CPA4: variants seen among roughly 807,000 people sequenced by gnomAD.
CPA4 encodes the protein carboxypeptidase A4.
In CPA4, 49 loss-of-function variants were observed where a neutral mutation model predicts 54.7. The ratio of observed to expected loss-of-function variants is 0.90; its 90% confidence interval spans 0.71 to 1.14. The LOEUF (loss-of-function observed/expected upper bound fraction) is 1.14. CPA4 is among the 50% of genes most tolerant of loss of function. CPA4 has a pLI of 0.00. For synonymous variants in CPA4, 215 were observed against 206.8 expected, an observed-to-expected ratio of 1.04 and a Z score of -0.34; for missense variants, 487 against 525.1, an observed-to-expected ratio of 0.93 and a Z score of 0.71.
chr7:130,300,632 C>A (rs757648855), intron 3 of CPA4, among the ~76,000 whole-genome samples, 184 bp from the exon 4 acceptor site: 1 of 151,998 alleles, frequency 6.6e-6, no homozygotes, highest in Non-Finnish European at 1.5e-5. Context: ...CCCTGCCCAG[C>A]CAAGAAATAA....
intron 10 of CPA4, among the ~76,000 whole-genome samples, chr7:130,317,512 G>T (rs1260296411): frequency 6.6e-6 from 1 of 152,172 alleles, no homozygotes; most frequent in Non-Finnish European, 1.5e-5. Flanking sequence ...GTCCAGTCTG[G>T]AGTGCACTGG....
chr7:130,308,126 G>A (rs149918260), intron 7 of CPA4, 181 bp from the exon 8 acceptor site: 30 of 613,522 alleles, frequency 4.9e-5, no homozygotes, highest in African/African-American at 3.5e-4. Flanking sequence ...AGAGCCGGAA[G>A]GGGAAATACT....
Position 130,304,496 on chromosome 7 carries a change from A to G in CPA4, c.403A>G (p.Asn135Asp). The change falls in exon 5 of 11, where the codon AAC (asparagine) becomes GAC (aspartate). Residue 135 changes from asparagine to aspartate, a missense_variant. Physicochemically the swap from Asn to Asp is conservative, Grantham distance 23. Coordinates refer to ENST00000222482, the MANE Select transcript of CPA4 (RefSeq NM_016352.4). ...GCTTCAGATTTACCACGAGATGGAC[A>G]ACATTGCCGCAGACTTTCCTGACCT... ...SLEAIYHEMD[N>D]IAADFPDLAR... is the part of the protein sequence containing the mutation. 1 of 1,611,728 alleles carries G rather than the reference A, an allele frequency of 6.2e-7. No homozygotes were observed. Among genetic ancestry groups the G allele is most frequent in the Non-Finnish European group, 8.5e-7 (1 of 1,177,742 alleles).
intron 3 of CPA4, among the ~76,000 whole-genome samples, chr7:130,300,361 G>C (rs1372469571): frequency 1.4e-5 from 2 of 144,954 alleles, no homozygotes; most frequent in East Asian, 4.0e-4. Flanking sequence ...TTTTGAGATG[G>C]AGTCTCTCTC....
At chr7:130,306,157 G>A in intron 6 of CPA4, 1 of 556,022 alleles carries the variant, frequency 1.8e-6, no homozygotes, top group Non-Finnish European at 3.2e-6. Flanking sequence ...GTGGGCCTGA[G>A]CCTCTGAGAG....
At chr7:130,311,120 C>A in intron 9 of CPA4, 134 bp downstream of exon 9, 2 of 694,352 alleles carry the variant, frequency 2.9e-6, no homozygotes, top group Non-Finnish European at 2.5e-6. Context: ...AATCTTCTCT[C>A]CCTGCCCTTT....
intron 10 of CPA4, among the ~76,000 whole-genome samples, chr7:130,316,132 G>C (rs1793984246): frequency 6.6e-6 from 1 of 152,162 alleles, no homozygotes; most frequent in African/African-American, 2.4e-5. Context: ...GTTGAGACGT[G>C]TTTTGCTCAA....
intron 1 of CPA4, among the ~76,000 whole-genome samples, chr7:130,298,277 T>C (rs893532618): frequency 6.6e-6 from 1 of 152,260 alleles, no homozygotes; most frequent in African/African-American, 2.4e-5. Context: ...TGCTTCTTTA[T>C]GTCTTGAGTT....
At chr7:130,305,208 A>C (rs1793801110) in intron 5 of CPA4, among the ~76,000 whole-genome samples, 1 of 152,248 alleles carries the variant, frequency 6.6e-6, no homozygotes, top group South Asian at 2.1e-4. Context: ...CAAAGAACTC[A>C]GGCTTATAGC....
chr7:130,311,506 C>T lies in CPA4; in HGVS notation c.993+520C>T, dbSNP rs1404571649. On this transcript the variant is annotated intron_variant, in intron 9 of 10. Coordinates refer to ENST00000222482, the MANE Select transcript of CPA4 (RefSeq NM_016352.4). ...CCCCTCCCAGGCTCACGGCAAAGTG[C>T]GGGCTTGATTCTGCTCCCCCACCCC... Among the ~76,000 whole-genome samples, 9 of 152,142 alleles carry T rather than the reference C, an allele frequency of 5.9e-5. No individual in the cohort carries two copies. In the South Asian group the frequency reaches 8.3e-4, roughly 14 times the overall value.
chr7:130,321,969 C>G (rs1794112391), intron 10 of CPA4, among the ~76,000 whole-genome samples: 2 of 152,184 alleles, frequency 1.3e-5, no homozygotes, highest in African/African-American at 4.8e-5. Context: ...CTTGAATGTC[C>G]TTACACCATG....
chr7:130,305,908 GACGGCAAGGA>G lies in CPA4; in HGVS notation c.581_590del (p.Thr194ArgfsTer92). 3 of 1,613,632 alleles carry G rather than the reference GACGGCAAGGA, an allele frequency of 1.9e-6. No homozygotes were observed. Among genetic ancestry groups the G allele is most frequent in the Non-Finnish European group, 2.5e-6 (3 of 1,179,614 alleles). On this transcript the variant is annotated frameshift_variant and splice_region_variant, in exon 6 of 11. Transcript: ENST00000222482. LOFTEE classifies it high-confidence loss of function. ...GGATCTCCCAGGCCACTGCAATCTG[GACGGCAAGGA>G]AGGTCATGCTGCGTGGTATTAGCCA...
intron 1 of CPA4, among the ~76,000 whole-genome samples, chr7:130,295,808 C>T (rs555919517): frequency 2.0e-5 from 3 of 152,162 alleles, no homozygotes; most frequent in Admixed American, 6.5e-5. Flanking sequence ...AGAGAAACCC[C>T]GCCTCTACTA....
chr7:130,299,199 TAGA>T, intron 2 of CPA4, 68 bp from the exon 3 acceptor site: 1 of 1,500,056 alleles, frequency 6.7e-7, no homozygotes. Context: ...GGCAGTGTTC[TAGA>T]AGAATAACCT....
At chr7:130,297,327 C>T (rs577067117) in intron 1 of CPA4, among the ~76,000 whole-genome samples, 3 of 152,266 alleles carry the variant, frequency 2.0e-5, no homozygotes, top group East Asian at 3.9e-4. Flanking sequence ...GGTTTGATGC[C>T]TCATCTTCCC....
At chr7:130,311,842 G>A (rs972143370) in intron 9 of CPA4, among the ~76,000 whole-genome samples, 196 bp from the exon 10 acceptor site, 1 of 152,166 alleles carries the variant, frequency 6.6e-6, no homozygotes, top group Non-Finnish European at 1.5e-5. Flanking sequence ...GGTGTGGTGG[G>A]AGAAGGAGTT....
chr7:130,309,641 C>G (rs1003316597), intron 8 of CPA4, among the ~76,000 whole-genome samples: 5 of 152,146 alleles, frequency 3.3e-5, no homozygotes, highest in Admixed American at 2.0e-4. Flanking sequence ...TGAAATGAGA[C>G]GGTGGAAGCT....
At chr7:130,296,198 G>A (rs572287606) in intron 1 of CPA4, among the ~76,000 whole-genome samples, 6 of 152,292 alleles carry the variant, frequency 3.9e-5, no homozygotes, top group East Asian at 3.9e-4. Context: ...ACAAAAGTAC[G>A]CGGTGAGTTT....
chr7:130,299,166 T>C, intron 2 of CPA4, 104 bp from the exon 3 acceptor site: 1 of 1,245,970 alleles, frequency 8.0e-7, no homozygotes, highest in African/African-American at 1.5e-5. Flanking sequence ...GAGCCTAGCC[T>C]CTCAGGGATC....
Sources: gnomAD v4.1 joint callset for allele counts (sites outside exome capture counted in the v4.1 genomes callset) on GRCh38, gnomAD v4.1.1 for gene constraint, MANE v1.5 for transcripts, NCBI Gene and HGNC (gene_info 2026-07-23, HGNC 2026-07-21) for gene names.